Variants in ARHGAP39 observed in about 807,000 individuals in gnomAD.
ARHGAP39 encodes the protein rho GTPase-activating protein 39.
Under a neutral mutation model 106.9 loss-of-function variants are expected in ARHGAP39, and 44 were observed. The ratio of observed to expected loss-of-function variants is 0.41; its 90% CI spans 0.32 to 0.53. The LOEUF (loss-of-function observed/expected upper bound fraction) is 0.53. Ranked by LOEUF, ARHGAP39 falls within the 20% of genes least tolerant of loss-of-function variation. The pLI is 0.21. For synonymous variants in ARHGAP39, 768 were observed against 693.2 expected (o/e 1.11, Z -1.69); for missense variants, 1,496 against 1,577.3 (o/e 0.95, Z 0.87).
chr8:144,663,914 C>T (rs947251055), intron 1 of ARHGAP39, among the ~76,000 whole-genome samples: 3 of 152,184 alleles, frequency 2.0e-5, no homozygotes, highest in Non-Finnish European at 4.4e-5. Context: ...TGCCTGTAAT[C>T]CCAGCACGCT....
chr8:144,676,726 G>T (rs1563734495), intron 1 of ARHGAP39, among the ~76,000 whole-genome samples: 1 of 152,250 alleles, frequency 6.6e-6, no homozygotes, highest in Non-Finnish European at 1.5e-5. Flanking sequence ...GCCAGCCACA[G>T]CACCGGCTCC....
Position 144,580,945 on chromosome 8 carries a change from G to A in ARHGAP39, c.413C>T (p.Ser138Phe), listed in dbSNP as rs1293195518. 1.9e-6 allele frequency: 3 copies of A among 1,605,316 alleles called. No homozygotes were observed. The highest frequency in any genetic ancestry group is 1.7e-5 in the Admixed American group (1 of 59,692). The change falls in exon 3 of 12, where the codon TCC (serine) becomes TTC (phenylalanine). Residue 138 changes from serine (S) to phenylalanine (F), a missense_variant. By Grantham distance (155) the Ser-to-Phe change is radical (BLOSUM62 -2). This residue lies in a region of ARHGAP39 where 905 missense variants were observed against 816.4 expected (regional missense o/e 1.11). Transcript: ENST00000377307. ...AGTGTCGGGCTCGGGCTCCAGGGAG[G>A]AGCTGGTGCTGCCCTCACGGCTGAC... The part of the protein sequence containing the change: ...SSVSREGSTS[S>F]SLEPEPDTEK...
chr8:144,547,223 G>T lies in ARHGAP39; in HGVS notation c.1863C>A (p.Thr621=), dbSNP rs548604567. The T allele has an allele frequency of 9.3e-6, 15 of 1,612,612 alleles. No individual in the cohort carries two copies. The South Asian group carries it at 1.4e-4, about 15-fold the overall frequency. Residue 621 remains threonine (T), a synonymous_variant, in exon 5 of 12, where the codon ACC becomes ACA. Transcript: ENST00000377307. The surrounding 1 kb of genome is among the most constrained non-coding windows in gnomAD (Gnocchi z 5.2). ...QQENRHWRRG[T]FEKLGFPQIL... ...TCTGGGGGAAGCCTAGCTTCTCGAAGGTGCCCCTCCTCCAGTGCCTGTTCT... is the reference window on the plus strand; with the variant it reads ...TCTGGGGGAAGCCTAGCTTCTCGAATGTGCCCCTCCTCCAGTGCCTGTTCT...
chr8:144,685,804 C>G lies in ARHGAP39; in HGVS notation c.-200G>C, dbSNP rs929128844. Among the ~76,000 whole-genome samples the G allele has an allele frequency of 2.7e-5, 4 of 147,750 alleles. No homozygotes were observed. The highest frequency in any genetic ancestry group is 6.0e-5 in the Non-Finnish European group (4 of 66,302). ...CTCCGCCGCTGCTGCCGCGGCAGCC[C>G]GTGCTGTCGGCGTCCTCCGCCGCCG... On this transcript the variant is annotated 5_prime_UTR_variant, in exon 1 of 12. Transcript: ENST00000377307.
chr8:144,650,453 A>AT (rs773563602), intron 1 of ARHGAP39, among the ~76,000 whole-genome samples: 1 of 152,060 alleles, frequency 6.6e-6, no homozygotes, highest in Admixed American at 6.5e-5. Flanking sequence ...AACAACAAAA[A>AT]ATATATATAT....
At chr8:144,610,811 T>A (rs1820466018) in intron 1 of ARHGAP39, among the ~76,000 whole-genome samples, 1 of 152,110 alleles carries the variant, frequency 6.6e-6, no homozygotes, top group African/African-American at 2.4e-5. Context: ...TGTATTTTCA[T>A]TTTCATCCCG....
intron 1 of ARHGAP39, among the ~76,000 whole-genome samples, chr8:144,618,972 T>TG (rs1401857556): frequency 1.3e-5 from 2 of 152,176 alleles, no homozygotes; most frequent in African/African-American, 4.8e-5. Context: ...CCTGCAGACG[T>TG]GGGGCCCCCA....
At chr8:144,673,301 G>A (rs1283997822) in intron 1 of ARHGAP39, among the ~76,000 whole-genome samples, 1 of 151,810 alleles carries the variant, frequency 6.6e-6, no homozygotes, top group Non-Finnish European at 1.5e-5. Flanking sequence ...CCGCACCAAG[G>A]CCCTCTGCGG....
At chr8:144,632,476 C>T (rs1442153467) in intron 1 of ARHGAP39, among the ~76,000 whole-genome samples, 1 of 152,234 alleles carries the variant, frequency 6.6e-6, no homozygotes, top group African/African-American at 2.4e-5. Flanking sequence ...GACTGTGTGT[C>T]AATGAGTGGT....
At chr8:144,664,920 C>T (rs11988145) in intron 1 of ARHGAP39, among the ~76,000 whole-genome samples, 5,509 of 152,116 alleles carry the variant, frequency 0.036, 344 homozygotes, top group African/African-American at 0.13. Context: ...AATGTGGAAA[C>T]GACTTTGGAA....
rs1410573642 is a variant in ARHGAP39, at chr8:144,670,309, A to C, written c.-82+15377T>G. Among the ~76,000 whole-genome samples the C allele has an allele frequency of 2.0e-5, 3 of 152,192 alleles. No homozygotes were observed. In the East Asian group the frequency reaches 5.8e-4, roughly 29 times the overall value. The stretch of plus-strand genomic sequence containing the variant: ...GTGCTAGAGTGTACCGGGAAGCAGG[A>C]TCAGCACCTGGGACCAGGAGGCTGT... On this transcript the variant is annotated intron_variant, in intron 1 of 11. Coordinates refer to ENST00000377307, the MANE Select transcript of ARHGAP39 (RefSeq NM_025251.3). The surrounding 1 kb of genome is among the most constrained non-coding windows in gnomAD (Gnocchi z 4.4).
intron 9 of ARHGAP39, 133 bp from the exon 10 acceptor site, chr8:144,532,529 C>A: frequency 2.7e-6 from 2 of 733,694 alleles, no homozygotes; most frequent in South Asian, 3.5e-5. Context: ...CCCGCCACCC[C>A]GGTTGGCCTC....
chr8:144,690,932 A>G, the ARHGAP39 span, among the ~76,000 whole-genome samples: 1 of 151,510 alleles, frequency 6.6e-6, no homozygotes, highest in African/African-American at 2.4e-5. Flanking sequence ...TGCTGGGATT[A>G]CAGGCATGAG....
Position 144,591,047 on chromosome 8 carries a change from C to T in ARHGAP39, c.81-9770G>A, listed in dbSNP as rs373897929. On this transcript the variant is annotated intron_variant, in intron 2 of 11. Coordinates refer to ENST00000377307, the MANE Select transcript of ARHGAP39 (RefSeq NM_025251.3). The surrounding 1 kb of genome is among the most constrained non-coding windows in gnomAD (Gnocchi z 5.3). Reference sequence around the variant, plus strand: ...TGGAGTGGGGCAATTCCTGGCAAAGCCCCCATCCCCCTGGTCCACTCCTCA... The same window carrying T: ...TGGAGTGGGGCAATTCCTGGCAAAGTCCCCATCCCCCTGGTCCACTCCTCA... 3.3e-5 allele frequency among the ~76,000 whole-genome samples: 5 copies of T among 152,220 alleles called. No individual in the cohort carries two copies. In the East Asian group the frequency reaches 5.8e-4, roughly 18 times the overall value.
At position 144,547,242 on chromosome 8, in the gene ARHGAP39, C is replaced by T; in HGVS notation, c.1844G>A (p.Arg615Lys). 6.2e-7 allele frequency: 1 copy of T among 1,612,664 alleles called. No homozygotes were observed. Among genetic ancestry groups the T allele is most frequent in the Non-Finnish European group, 8.5e-7 (1 of 1,179,816 alleles). ...CTCGAAGGTGCCCCTCCTCCAGTGC[C>T]TGTTCTCCTGCTGGGCCAGCGCCTC... is the stretch of plus-strand genomic sequence containing the variant. Reference protein sequence around the residue: ...EDEALAQQENRHWRRGTFEKL... With the variant: ...EDEALAQQENKHWRRGTFEKL... Residue 615 changes from arginine (R) to lysine (K), a missense_variant, in exon 5 of 12, where the codon AGG (arginine) becomes AAG (lysine). By Grantham distance (26) the Arg-to-Lys change is conservative. Around this residue, in one of 4 missense-constraint regions of ARHGAP39, gnomAD observed 905 missense variants for 816.4 expected, o/e 1.11. Transcript: ENST00000377307. This position sits in a 1 kb window ranked among gnomAD's most constrained non-coding sequence, Gnocchi z 5.2.
At chr8:144,600,237 T>A (rs1819802669) in intron 2 of ARHGAP39, among the ~76,000 whole-genome samples, 1 of 141,812 alleles carries the variant, frequency 7.1e-6, no homozygotes, top group Admixed American at 7.1e-5. Flanking sequence ...CAAGCTCGTG[T>A]ACCTACCTGC....
intron 1 of ARHGAP39, among the ~76,000 whole-genome samples, chr8:144,616,286 G>A (rs1222496340): frequency 6.6e-6 from 1 of 152,254 alleles, no homozygotes; most frequent in Non-Finnish European, 1.5e-5. Flanking sequence ...ATGGTCAAAA[G>A]AGAGACCTGG....
intron 5 of ARHGAP39, among the ~76,000 whole-genome samples, chr8:144,546,303 T>C (rs1817418830): frequency 6.6e-6 from 1 of 152,192 alleles, no homozygotes; most frequent in South Asian, 2.1e-4. Context: ...CCCTGCCTGC[T>C]GCTCTGAGAG....
chr8:144,587,484 T>G (rs575056750), intron 2 of ARHGAP39, among the ~76,000 whole-genome samples: 1 of 152,254 alleles, frequency 6.6e-6, no homozygotes, highest in African/African-American at 2.4e-5. Context: ...GAAATTCACG[T>G]GTTATACAGG....
Sources: gnomAD v4.1 joint callset for allele counts (sites outside exome capture counted in the v4.1 genomes callset) on GRCh38, gnomAD v4.1.1 for gene constraint, gnomAD v4.1.1 regional missense constraint, Gnocchi (gnomAD v3.1) non-coding constraint, MANE v1.5 for transcripts, NCBI Gene and HGNC (gene_info 2026-07-23, HGNC 2026-07-21) for gene names.